H6PD: variants seen among roughly 807,000 people sequenced by gnomAD.
The protein encoded by H6PD is hexose-6-phosphate dehydrogenase/glucose 1-dehydrogenase, also known as GDH/6PGL endoplasmic bifunctional protein.
A neutral mutation model predicts 61.2 loss-of-function variants in H6PD; 48 were observed. The ratio of observed to expected loss-of-function variants is 0.78; its 90% CI spans 0.62 to 1.00. The LOEUF (loss-of-function observed/expected upper bound fraction) is 1.00, where lower values mean the gene tolerates loss of function less well. Among genes scored for constraint, H6PD ranks in the 50% least tolerant of loss-of-function variants. The probability of loss-of-function intolerance (pLI) is 0.00; values close to 1 mark genes in which losing one functional copy is unlikely to be tolerated. For synonymous variants in H6PD, 480 were observed against 457.9 expected (o/e 1.05, Z -0.62); for missense variants, 1,093 against 1,065.0 (o/e 1.03, Z -0.37).
chr1:9,264,068 G>A lies in H6PD; in HGVS notation c.1575G>A (p.Gln525=), dbSNP rs1319928535. ...GCGGCCGGTTGTTCTTTTCCCAGCA[G>A]CAGCCGGAGCAGCTGGTGCCAGGGC... ...FSSGRLFFSQ[Q]QPEQLVPGPG... is the part of the protein sequence containing the mutation. The change falls in exon 5 of 5, where the codon CAG becomes CAA. Residue 525 remains glutamine, a synonymous_variant. Coordinates refer to ENST00000377403, the MANE Select transcript of H6PD (RefSeq NM_004285.4). The A allele has an allele frequency of 6.2e-7, 1 of 1,614,034 alleles. No homozygotes were observed. The highest frequency in any genetic ancestry group is 1.7e-5 in the Admixed American group (1 of 60,038).
rs1369185245 is a variant in H6PD at position 9,270,203 on chromosome 1, T to C, written c.*5334T>C. The C allele has an allele frequency of 3.9e-5, 6 of 152,674 alleles. No individual in the cohort carries two copies. The highest frequency in any genetic ancestry group is 2.0e-4 in the Admixed American group (3 of 15,278). The allele number at this position is 152,674 out of a possible 1,614,324, so 9.5% of individuals were successfully genotyped here. On this transcript the variant is annotated 3_prime_UTR_variant, in exon 5 of 5. Coordinates refer to ENST00000377403, the MANE Select transcript of H6PD (RefSeq NM_004285.4). ...TTCTCAAGGCTGATCTTTAAAACCC[T>C]CGCCTTGCTGACAGGTGCTTTAAAG...
At chr1:9,235,142 C>A (rs1340764504) in intron 1 of H6PD, 76 bp downstream of exon 1, 1 of 150,530 alleles carries the variant, frequency 6.6e-6, no homozygotes, top group Middle Eastern at 3.2e-3. Context: ...GGCCCGAGGC[C>A]GCGCCGAGCC....
At chr1:9,247,189 T>G in intron 3 of H6PD, 106 bp downstream of exon 3, 1 of 820,954 alleles carries the variant, frequency 1.2e-6, no homozygotes, top group Non-Finnish European at 2.1e-6. Flanking sequence ...GGGTGTGTGG[T>G]CTCCCTTCGA....
intron 3 of H6PD, among the ~76,000 whole-genome samples, chr1:9,252,662 A>G (rs1055636983): frequency 1.3e-5 from 2 of 152,270 alleles, no homozygotes; most frequent in African/African-American, 2.4e-5. Context: ...TGCAACTACT[A>G]TCTAATTCGA....
Position 9,265,435 on chromosome 1 carries a change from A to C in H6PD, c.*566A>C. 1 of 180,106 alleles carries C rather than the reference A, an allele frequency of 5.6e-6. No individual in the cohort carries two copies. Among genetic ancestry groups the C allele is most frequent in the African/African-American group, 2.4e-5 (1 of 42,040 alleles). 11.2% of individuals were successfully genotyped at this position (180,106 alleles called of 1,614,324 possible). Reference sequence around the variant, plus strand: ...TTCCCCAGCTGCCCCTCCTTCTAGAACCTCTGCACATCTAGCCTCTGGCCC... The same window carrying C: ...TTCCCCAGCTGCCCCTCCTTCTAGACCCTCTGCACATCTAGCCTCTGGCCC... On this transcript the variant is annotated 3_prime_UTR_variant, in exon 5 of 5. Coordinates refer to ENST00000377403, the MANE Select transcript of H6PD (RefSeq NM_004285.4).
At chr1:9,237,236 C>CTTTTTTTTTTTT (rs370751354) in intron 1 of H6PD, among the ~76,000 whole-genome samples, 1,040 of 71,048 alleles carry the variant, frequency 0.015, 203 homozygotes, top group East Asian at 0.035. Context: ...TTTGACTTCT[C>CTTTTTTTTTTTT]TTTTTTTTTT....
intron 1 of H6PD, chr1:9,242,607 G>T (rs1359116060): frequency 6.1e-6 from 6 of 985,382 alleles, no homozygotes; most frequent in Non-Finnish European, 7.2e-6. Context: ...TTCAGGCCAG[G>T]TGGCCATCCG....
intron 3 of H6PD, among the ~76,000 whole-genome samples, chr1:9,250,939 G>A (rs370280705): frequency 9.7e-4 from 147 of 152,288 alleles, no homozygotes; most frequent in African/African-American, 3.3e-3. Context: ...GTTTGCTGCA[G>A]AGTCAAGGCT....
At position 9,268,869 on chromosome 1, in the gene H6PD, G is replaced by T. The variant is rs1236681244; in HGVS notation, c.*4000G>T. The T allele has an allele frequency of 2.0e-5, 3 of 152,196 alleles. No homozygotes were observed. Among genetic ancestry groups the T allele is most frequent in the Non-Finnish European group, 4.4e-5 (3 of 68,030 alleles). The allele number at this position is 152,196 out of a possible 1,614,324, so 9.4% of individuals were successfully genotyped here. A position where few individuals can be genotyped will look rare whatever the true frequency, so the allele number is the denominator to read the frequency against. ...GGGCCCAGGTGGAACTCACGACAGG[G>T]AGGGAGACGCTTCCCAAAAACCTGC... On this transcript the variant is annotated 3_prime_UTR_variant, in exon 5 of 5. Coordinates refer to ENST00000377403, the MANE Select transcript of H6PD (RefSeq NM_004285.4).
intron 1 of H6PD, among the ~76,000 whole-genome samples, chr1:9,244,042 G>A (rs1010689563): frequency 6.6e-6 from 1 of 152,132 alleles, no homozygotes; most frequent in Non-Finnish European, 1.5e-5. Context: ...TTTTCCATTT[G>A]CAGAATGGGA....
At chr1:9,235,194 G>C (rs1640817723) in intron 1 of H6PD, 128 bp downstream of exon 1, 1 of 152,044 alleles carries the variant, frequency 6.6e-6, no homozygotes, top group Admixed American at 6.6e-5. Context: ...TGGGGCTGGC[G>C]GCTTTGGAAC....
chr1:9,258,127 G>A lies in H6PD; in HGVS notation c.746-3932G>A, dbSNP rs75473087. Among the ~76,000 whole-genome samples, 706 of 152,358 alleles carry A rather than the reference G, an allele frequency of 4.6e-3. 10 individuals are homozygous for A. The highest frequency in any genetic ancestry group is 0.016 in the African/African-American group (674 of 41,582). On this transcript the variant is annotated intron_variant, in intron 3 of 4. Transcript: ENST00000377403. ...TTGTGAGTATGGGGAGGAGCGGCGC[G>A]GGCCGGGGCTGCTGTCAGCGTTGGT...
chr1:9,246,863 C>A, intron 2 of H6PD, 103 bp from the exon 3 acceptor site: 1 of 833,658 alleles, frequency 1.2e-6, no homozygotes, highest in Non-Finnish European at 2.1e-6. Context: ...GCATCTTCTG[C>A]TCTGAGCAGG....
At chr1:9,236,694 T>C (rs1640858343) in intron 1 of H6PD, among the ~76,000 whole-genome samples, 1 of 146,494 alleles carries the variant, frequency 6.8e-6, no homozygotes, top group Admixed American at 6.8e-5. Context: ...AAAAAGCAGC[T>C]AGGATTTCTT....
chr1:9,259,648 CGTT>C (rs1641651912), intron 3 of H6PD, among the ~76,000 whole-genome samples: 1 of 151,070 alleles, frequency 6.6e-6, no homozygotes. Context: ...GCTGGTGTTA[CGTT>C]GTTGTTATGC....
chr1:9,260,068 G>A (rs1342569698), intron 3 of H6PD, among the ~76,000 whole-genome samples: 10 of 151,312 alleles, frequency 6.6e-5, no homozygotes, highest in East Asian at 1.9e-4. Context: ...TTGTTACTCC[G>A]GTGTTGTTAC....
At chr1:9,252,737 G>A (rs955785383) in intron 3 of H6PD, among the ~76,000 whole-genome samples, 3 of 152,070 alleles carry the variant, frequency 2.0e-5, no homozygotes, top group Non-Finnish European at 4.4e-5. Context: ...GTAGAATGAC[G>A]GGGCCAAAGG....
rs755340643 is a variant in H6PD, at chr1:9,262,224, A to G, written c.911A>G (p.Gln304Arg). ...LQVFQALRGL[Q>R]RGSAVVGQYQ... is the part of the protein sequence containing the mutation. ...GTCTTCCAGGCGCTGCGGGGCCTGC[A>G]GAGGGGCAGTGCCGTCGTGGGCCAG... Residue 304 changes from glutamine to arginine, a missense_variant, in exon 4 of 5, where the codon CAG becomes CGG. Gln to Arg is a conservative substitution (Grantham distance 43, BLOSUM62 1). Coordinates refer to ENST00000377403, the MANE Select transcript of H6PD (RefSeq NM_004285.4). The G allele has an allele frequency of 1.3e-5, 21 of 1,613,940 alleles. No homozygotes were observed. The highest frequency in any genetic ancestry group is 3.3e-4 in the Middle Eastern group (2 of 6,052).
intron 3 of H6PD, among the ~76,000 whole-genome samples, chr1:9,260,981 A>C (rs1638263049): frequency 1.3e-5 from 2 of 151,566 alleles, no homozygotes; most frequent in African/African-American, 4.9e-5. Flanking sequence ...CATTTTGCTC[A>C]CACCCACCCC....
Sources: gnomAD v4.1 joint callset for allele counts (sites outside exome capture counted in the v4.1 genomes callset) on GRCh38, gnomAD v4.1.1 for gene constraint, MANE v1.5 for transcripts, NCBI Gene and HGNC (gene_info 2026-07-23, HGNC 2026-07-21) for gene names.